Variants in CAMTA1 observed in about 807,000 individuals in gnomAD.
The protein encoded by CAMTA1 is calmodulin binding transcription activator 1.
A neutral mutation model predicts 170.9 loss-of-function variants in CAMTA1; 27 were observed. That is an observed-to-expected ratio of 0.16 (90% confidence interval 0.12 to 0.22). The LOEUF is 0.22. Ranked by LOEUF, CAMTA1 falls within the 10% of genes least tolerant of loss-of-function variation. The probability of loss-of-function intolerance (pLI) is 1.00; values close to 1 mark genes in which losing one functional copy is unlikely to be tolerated. For synonymous variants in CAMTA1, 833 were observed against 891.5 expected, an observed-to-expected ratio of 0.93 and a Z score of 1.17; for missense variants, 1,619 against 2,217.2, an observed-to-expected ratio of 0.73 and a Z score of 5.42.
intron 5 of CAMTA1, among the ~76,000 whole-genome samples, chr1:7,275,207 C>T (rs1022668605): frequency 7.0e-6 from 1 of 142,870 alleles, no homozygotes; most frequent in Non-Finnish European, 1.5e-5. Flanking sequence ...TAAAACCCCA[C>T]ATAGAAAATG....
intron 4 of CAMTA1, among the ~76,000 whole-genome samples, chr1:7,120,026 T>A (rs1174831873): frequency 6.6e-6 from 1 of 152,160 alleles, no homozygotes; most frequent in Non-Finnish European, 1.5e-5. Context: ...GTATAATTAT[T>A]ATCACCATTC....
At position 7,736,904 on chromosome 1, in the gene CAMTA1, G is replaced by A. The variant is rs78964888; in HGVS notation, c.3264-27G>A. 4.9e-5 allele frequency: 76 copies of A among 1,566,168 alleles called. No individual in the cohort carries two copies. In the East Asian group the frequency reaches 1.5e-3, roughly 31 times the overall value. ...TCCTTTTAACGGTGGTGAATAGTGT[G>A]GTAATTTCTGGTGCTCTCCCTTATA... On this transcript the variant is annotated intron_variant, in intron 13 of 22. Coordinates refer to ENST00000303635, the MANE Select transcript of CAMTA1 (RefSeq NM_015215.4). This position sits in a 1 kb window ranked among gnomAD's most constrained non-coding sequence, Gnocchi z 4.5.
intron 6 of CAMTA1, among the ~76,000 whole-genome samples, chr1:7,488,678 C>A (rs926093207): frequency 6.6e-6 from 1 of 152,098 alleles, no homozygotes; most frequent in African/African-American, 2.4e-5. Context: ...CACTTGCATA[C>A]ACACACATAT....
intron 3 of CAMTA1, among the ~76,000 whole-genome samples, chr1:6,890,406 C>A (rs975832166): frequency 2.0e-5 from 3 of 152,144 alleles, no homozygotes; most frequent in Non-Finnish European, 4.4e-5. Flanking sequence ...CATGTCACTT[C>A]CTGGGTTAAG....
At chr1:6,857,455 CCAAA>C (rs887946320) in intron 3 of CAMTA1, among the ~76,000 whole-genome samples, 15 of 152,158 alleles carry the variant, frequency 9.9e-5, no homozygotes, top group South Asian at 2.1e-4. Context: ...GCTTTGGTGA[CCAAA>C]CAAACAAAAC....
intron 4 of CAMTA1, among the ~76,000 whole-genome samples, chr1:7,222,288 C>T (rs1660929936): frequency 6.6e-6 from 1 of 152,132 alleles, no homozygotes; most frequent in Admixed American, 6.5e-5. Context: ...GAGACATCGC[C>T]CGGGCTGGTT....
chr1:7,660,816 T>G (rs1576667581), intron 7 of CAMTA1, among the ~76,000 whole-genome samples: 1 of 152,142 alleles, frequency 6.6e-6, no homozygotes, highest in South Asian at 2.1e-4. Flanking sequence ...CAGCACCAGC[T>G]CCAGCCCCAA....
intron 22 of CAMTA1, among the ~76,000 whole-genome samples, 191 bp downstream of exon 22, chr1:7,755,859 A>G (rs2096927890): frequency 6.6e-6 from 1 of 152,360 alleles, no homozygotes; most frequent in East Asian, 1.9e-4. Flanking sequence ...GAACAGTCAC[A>G]TACATTAGAT....
chr1:7,565,785 C>T lies in CAMTA1; in HGVS notation c.511-74615C>T, dbSNP rs67384800. On this transcript the variant is annotated intron_variant, in intron 6 of 22. Coordinates refer to ENST00000303635, the MANE Select transcript of CAMTA1 (RefSeq NM_015215.4). The surrounding 1 kb of genome is among the most constrained non-coding windows in gnomAD (Gnocchi z 4.5). ...TGACAAAATACCATAGACCGGGTGG[C>T]TTAAACAGTAGACATTTACACTCTC... Among the ~76,000 whole-genome samples the T allele has an allele frequency of 0.04, 6,128 of 152,220 alleles. 160 individuals are homozygous for T. The highest frequency in any genetic ancestry group is 0.065 in the East Asian group (335 of 5,158).
chr1:7,676,196 A>T (rs1304535979), intron 10 of CAMTA1, among the ~76,000 whole-genome samples: 1 of 152,214 alleles, frequency 6.6e-6, no homozygotes, highest in Non-Finnish European at 1.5e-5. Flanking sequence ...AGACCCGCCC[A>T]GGGATGCCAA....
intron 7 of CAMTA1, among the ~76,000 whole-genome samples, chr1:7,655,280 TTA>T (rs1223067612): frequency 1.8e-4 from 6 of 33,310 alleles, no homozygotes; most frequent in African/African-American, 8.3e-4. Context: ...ATACACACCG[TTA>T]TACACACACA....
Position 7,041,850 on chromosome 1 carries a change from G to C in CAMTA1, c.235-49454G>C, listed in dbSNP as rs1704514747. 6.6e-6 allele frequency among the ~76,000 whole-genome samples: 1 copy of C among 152,230 alleles called. No homozygotes were observed. On this transcript the variant is annotated intron_variant, in intron 3 of 22. Transcript: ENST00000303635. This position sits in a 1 kb window ranked among gnomAD's most constrained non-coding sequence, Gnocchi z 5.1. ...GATACCTTGGGAGGATCTGTCATTA[G>C]TGTTTGGGGATTTGACTGAAGCCTC...
At position 7,067,549 on chromosome 1, in the gene CAMTA1, T is replaced by C. The variant is rs1331263881; in HGVS notation, c.235-23755T>C. Reference sequence around the variant, plus strand: ...AACAAATATTTGAGTATCTGCTGCATGCTGGGAACCATGTTCCTTGCAAGG... The same window carrying C: ...AACAAATATTTGAGTATCTGCTGCACGCTGGGAACCATGTTCCTTGCAAGG... On this transcript the variant is annotated intron_variant, in intron 3 of 22. Transcript: ENST00000303635. This position sits in a 1 kb window ranked among gnomAD's most constrained non-coding sequence, Gnocchi z 4.3. Among the ~76,000 whole-genome samples, 1 of 152,210 alleles carries C rather than the reference T, an allele frequency of 6.6e-6. No individual in the cohort carries two copies. Among genetic ancestry groups the C allele is most frequent in the African/African-American group, 2.4e-5 (1 of 41,452 alleles).
At chr1:7,452,621 A>G (rs1424349465) in intron 5 of CAMTA1, among the ~76,000 whole-genome samples, 2 of 152,066 alleles carry the variant, frequency 1.3e-5, no homozygotes, top group East Asian at 3.9e-4. Flanking sequence ...GAATCATACA[A>G]TGTGTGGCCT....
intron 5 of CAMTA1, among the ~76,000 whole-genome samples, chr1:7,436,377 C>T (rs768577784): frequency 2.0e-5 from 3 of 152,194 alleles, no homozygotes; most frequent in Non-Finnish European, 2.9e-5. Flanking sequence ...GGAAGAGTGA[C>T]GCCCCAGTTC....
At chr1:7,230,545 G>C (rs775328782) in intron 4 of CAMTA1, among the ~76,000 whole-genome samples, 3 of 150,922 alleles carry the variant, frequency 2.0e-5, no homozygotes, top group Non-Finnish European at 2.9e-5. Context: ...TGTACCAAAA[G>C]CCATTCCTCT....
intron 6 of CAMTA1, among the ~76,000 whole-genome samples, chr1:7,587,960 G>C (rs1336780550): frequency 6.6e-6 from 1 of 152,172 alleles, no homozygotes; most frequent in African/African-American, 2.4e-5. Flanking sequence ...CCAGATGGCA[G>C]CTGTAGCTTC....
intron 5 of CAMTA1, among the ~76,000 whole-genome samples, chr1:7,353,009 G>A (rs2084801617): frequency 6.6e-6 from 1 of 152,216 alleles, no homozygotes. Flanking sequence ...CTCTGCATGA[G>A]ACACTCAGAG....
At chr1:7,223,935 A>G (rs1001443582) in intron 4 of CAMTA1, among the ~76,000 whole-genome samples, 1 of 152,186 alleles carries the variant, frequency 6.6e-6, no homozygotes, top group African/African-American at 2.4e-5. Context: ...TAACGAAGGT[A>G]TCATCCCATC....
Sources: allele counts gnomAD v4.1 joint callset (sites outside exome capture counted in the v4.1 genomes callset), GRCh38; gene constraint gnomAD v4.1.1; non-coding constraint Gnocchi (gnomAD v3.1); transcripts MANE v1.5; gene names NCBI Gene and HGNC (gene_info 2026-07-23, HGNC 2026-07-21).